Variants in UNC5A observed in about 807,000 individuals in gnomAD.
UNC5A encodes the protein unc-5 netrin receptor A.
A neutral mutation model predicts 87.4 loss-of-function variants in UNC5A; 20 were observed. The observed-to-expected ratio is 0.23, with a 90% confidence interval of 0.16 to 0.33. UNC5A has a LOEUF of 0.33. Among genes scored for constraint, UNC5A ranks in the 10% least tolerant of loss-of-function variants. The pLI is 1.00. For missense variants in UNC5A, 844 were observed against 1,133.4 expected (o/e 0.74, Z 3.67); for synonymous variants, 438 against 482.3 (o/e 0.91, Z 1.20).
In UNC5A at chr5:176,866,636, A is replaced by G. The variant is rs959325064; in HGVS notation, c.293-1494A>G. 6.6e-6 allele frequency among the ~76,000 whole-genome samples: 1 copy of G among 152,028 alleles called. No homozygotes were observed. Among genetic ancestry groups the G allele is most frequent in the Non-Finnish European group, 1.5e-5 (1 of 67,972 alleles). On this transcript the variant is annotated intron_variant, in intron 2 of 14. Transcript: ENST00000329542. This position sits in a 1 kb window ranked among gnomAD's most constrained non-coding sequence, Gnocchi z 5.0. ...TGGAGGTCTCCCACCCCTAACCCCCAAGGCAGAGAGGATGAAGGGAGTGGA... is the reference window on the plus strand; with the variant it reads ...TGGAGGTCTCCCACCCCTAACCCCCGAGGCAGAGAGGATGAAGGGAGTGGA...
chr5:176,820,396 C>CA (rs958591161), intron 1 of UNC5A, among the ~76,000 whole-genome samples: 82 of 140,664 alleles, frequency 5.8e-4, no homozygotes, highest in African/African-American at 1.6e-3. Flanking sequence ...GACTCCGTCT[C>CA]AAAAAAAAAA....
chr5:176,877,442 T>TG, intron 9 of UNC5A, 93 bp from the exon 10 acceptor site: 1 of 1,446,594 alleles, frequency 6.9e-7, no homozygotes, highest in Non-Finnish European at 9.4e-7. Context: ...CCCTGGCCCC[T>TG]GGGATGCTGC....
At chr5:176,870,950 A>AC (rs1758096825) in intron 6 of UNC5A, among the ~76,000 whole-genome samples, 2 of 66,610 alleles carry the variant, frequency 3.0e-5, no homozygotes, top group African/African-American at 1.4e-4. Context: ...ATCTGCCCAC[A>AC]CTCGCCCAAC....
At position 176,869,925 on chromosome 5, in the gene UNC5A, G is replaced by A. The variant is rs57241185; in HGVS notation, c.722-445G>A. The A allele has an allele frequency of 3.7e-3, 2,115 of 579,254 alleles. 39 individuals are homozygous for A. Among genetic ancestry groups the A allele is most frequent in the African/African-American group, 0.036 (1,902 of 53,016 alleles). The allele number at this position is 579,254 out of a possible 1,614,324, so 35.9% of individuals were successfully genotyped here. A position where few individuals can be genotyped will look rare whatever the true frequency, so the allele number is the denominator to read the frequency against. On this transcript the variant is annotated intron_variant, in intron 5 of 14. Transcript: ENST00000329542. This position sits in a 1 kb window ranked among gnomAD's most constrained non-coding sequence, Gnocchi z 9.1. ...CCAGGCTCAGTCTGAGGCGGGGATC[G>A]GGGTGCGGTGTATGGTTGGAGTCAG...
At position 176,877,876 on chromosome 5, in the gene UNC5A, A is replaced by T. The variant is rs1302779809; in HGVS notation, c.1636-18A>T. On this transcript the variant is annotated intron_variant, in intron 10 of 14. Transcript: ENST00000329542. ...CTCTGAGGCTGGGCCGAATTGACCC[A>T]CTGACCCCTGCCCACAGGATGTGCT... 2 of 1,590,468 alleles carry T rather than the reference A, an allele frequency of 1.3e-6. No homozygotes were observed. The highest frequency in any genetic ancestry group is 3.4e-5 in the Admixed American group (2 of 58,926).
intron 2 of UNC5A, among the ~76,000 whole-genome samples, chr5:176,863,175 C>T (rs1197650585): frequency 1.3e-5 from 2 of 152,266 alleles, no homozygotes; most frequent in Non-Finnish European, 2.9e-5. Flanking sequence ...GAGAGGCAGA[C>T]AGCGGGGTGA....
chr5:176,874,554 A>G lies in UNC5A; in HGVS notation c.1366A>G (p.Ile456Val), dbSNP rs551944771. 2 of 1,567,768 alleles carry G rather than the reference A, an allele frequency of 1.3e-6. No individual in the cohort carries two copies. Among genetic ancestry groups the G allele is most frequent in the African/African-American group, 2.7e-5 (2 of 74,232 alleles). ...CAACTTCCTCGGGGGCCGGCTGATG[A>G]TCCCTAATACAGGTAGGAAGGACCC... ...TFNFLGGRLM[I>V]PNTGISLLIP... is the part of the protein sequence containing the mutation. Residue 456 changes from isoleucine to valine, a missense_variant, in exon 8 of 15, where the codon ATC (isoleucine) becomes GTC (valine). Transcript: ENST00000329542. This position sits in a 1 kb window ranked among gnomAD's most constrained non-coding sequence, Gnocchi z 7.6.
Position 176,862,696 on chromosome 5 carries a change from T to G in UNC5A, c.143T>G (p.Val48Gly). 1 of 1,613,524 alleles carries G rather than the reference T, an allele frequency of 6.2e-7. No individual in the cohort carries two copies. Among genetic ancestry groups the G allele is most frequent in the Non-Finnish European group, 8.5e-7 (1 of 1,179,982 alleles). ...CCGGACCTGCTTCCCCACTTCCTGG[T>G]GGAGCCCGAGGATGTGTACATCGTC... ...ANPDLLPHFL[V>G]EPEDVYIVKN... is the part of the protein sequence containing the mutation. The change falls in exon 2 of 15, where the codon GTG (valine) becomes GGG (glycine). Residue 48 changes from valine (V) to glycine (G), a missense_variant. Val to Gly is a moderately radical substitution (Grantham distance 109). Coordinates refer to ENST00000329542, the MANE Select transcript of UNC5A (RefSeq NM_133369.3).
intron 13 of UNC5A, 111 bp from the exon 14 acceptor site, chr5:176,879,199 C>G (rs1758346531): frequency 1.5e-6 from 2 of 1,327,134 alleles, no homozygotes; most frequent in Admixed American, 2.4e-5. Flanking sequence ...TACCAGTGCT[C>G]ATGCCGCCCC....
chr5:176,874,565 A>T lies in UNC5A; in HGVS notation c.1377A>T (p.Thr459=), dbSNP rs1175192459. The T allele has an allele frequency of 1.3e-6, 2 of 1,535,822 alleles. No individual in the cohort carries two copies. The highest frequency in any genetic ancestry group is 8.8e-7 in the Non-Finnish European group (1 of 1,136,898). ...GGGGCCGGCTGATGATCCCTAATAC[A>T]GGTAGGAAGGACCCCAGGGGGCTCT... ...FLGGRLMIPN[T]GISLLIPPDA... The change falls in exon 8 of 15, where the codon ACA becomes ACT. Residue 459 remains threonine, a splice_region_variant and synonymous_variant. Transcript: ENST00000329542. The surrounding 1 kb of genome is among the most constrained non-coding windows in gnomAD (Gnocchi z 7.6).
At chr5:176,873,319 ATT>A in intron 6 of UNC5A, among the ~76,000 whole-genome samples, 2 of 148,844 alleles carry the variant, frequency 1.3e-5, no homozygotes, top group African/African-American at 4.9e-5. Flanking sequence ...TCTCTGTTGG[ATT>A]TTTTTTTTTC....
At chr5:176,843,914 G>A (rs889035847) in intron 1 of UNC5A, among the ~76,000 whole-genome samples, 1 of 152,282 alleles carries the variant, frequency 6.6e-6, no homozygotes, top group Admixed American at 6.5e-5. Flanking sequence ...GCTCCCTGGA[G>A]TCTGCTTTCC....
chr5:176,822,841 G>A (rs1318712746), intron 1 of UNC5A, among the ~76,000 whole-genome samples: 4 of 152,224 alleles, frequency 2.6e-5, no homozygotes, highest in Non-Finnish European at 2.9e-5. Flanking sequence ...GTGGCAGCCT[G>A]TGTACAGGGC....
intron 1 of UNC5A, among the ~76,000 whole-genome samples, chr5:176,819,752 G>A (rs926421307): frequency 6.6e-6 from 1 of 152,214 alleles, no homozygotes; most frequent in Non-Finnish European, 1.5e-5. Context: ...AGGTTGGGCC[G>A]GAGCCACCAA....
At position 176,866,260 on chromosome 5, in the gene UNC5A, A is replaced by G. The variant is rs1479663525; in HGVS notation, c.293-1870A>G. Among the ~76,000 whole-genome samples, 1 of 152,188 alleles carries G rather than the reference A, an allele frequency of 6.6e-6. No individual in the cohort carries two copies. Among genetic ancestry groups the G allele is most frequent in the East Asian group, 1.9e-4 (1 of 5,188 alleles). Reference sequence around the variant, plus strand: ...CAGCCCCTCACATCAAAGATGGGGTAGGGCCGGGTCTGCAGCCCCCGCCTC... The same window carrying G: ...CAGCCCCTCACATCAAAGATGGGGTGGGGCCGGGTCTGCAGCCCCCGCCTC... On this transcript the variant is annotated intron_variant, in intron 2 of 14. Coordinates refer to ENST00000329542, the MANE Select transcript of UNC5A (RefSeq NM_133369.3). This position sits in a 1 kb window ranked among gnomAD's most constrained non-coding sequence, Gnocchi z 5.0.
At chr5:176,843,835 G>GCCCTGGCCCCTGGCCCCTGGC (rs915532731) in intron 1 of UNC5A, among the ~76,000 whole-genome samples, 8 of 152,220 alleles carry the variant, frequency 5.3e-5, no homozygotes, top group Non-Finnish European at 7.3e-5. Flanking sequence ...GTCTTGCCCA[G>GCCCTGGCCCCTGGCCCCTGGC]CCCTGGCCCC....
At chr5:176,840,798 C>T (rs975248768) in intron 1 of UNC5A, among the ~76,000 whole-genome samples, 2 of 152,238 alleles carry the variant, frequency 1.3e-5, no homozygotes, top group Non-Finnish European at 1.5e-5. Context: ...CGGGACCAGA[C>T]GACAGGGAGA....
At chr5:176,847,292 T>G (rs1757433308) in intron 1 of UNC5A, among the ~76,000 whole-genome samples, 2 of 152,160 alleles carry the variant, frequency 1.3e-5, no homozygotes, top group African/African-American at 4.8e-5. Flanking sequence ...AGGGCTGGCC[T>G]CTGGGACTGA....
In UNC5A at chr5:176,874,710, T is replaced by C; in HGVS notation, c.1378+144T>C. 2.1e-6 allele frequency: 2 copies of C among 972,592 alleles called. No homozygotes were observed. The highest frequency in any genetic ancestry group is 2.9e-6 in the Non-Finnish European group (2 of 691,580). The allele number at this position is 972,592 out of a possible 1,614,324, so 60.2% of individuals were successfully genotyped here. On this transcript the variant is annotated intron_variant, in intron 8 of 14. Coordinates refer to ENST00000329542, the MANE Select transcript of UNC5A (RefSeq NM_133369.3). The surrounding 1 kb of genome is among the most constrained non-coding windows in gnomAD (Gnocchi z 7.6). Reference sequence around the variant, plus strand: ...TGGAGTTTTGGGGAGAACCCAGTCTTGGCTGGCACCGAGGCCGTGGCCAGA... The same window carrying C: ...TGGAGTTTTGGGGAGAACCCAGTCTCGGCTGGCACCGAGGCCGTGGCCAGA...
Sources: gnomAD v4.1 joint callset for allele counts (sites outside exome capture counted in the v4.1 genomes callset) on GRCh38, gnomAD v4.1.1 for gene constraint, Gnocchi (gnomAD v3.1) non-coding constraint, MANE v1.5 for transcripts, NCBI Gene and HGNC (gene_info 2026-07-23, HGNC 2026-07-21) for gene names.